Variants in DTNA observed in about 807,000 individuals in gnomAD.
DTNA encodes the protein dystrophin-related protein 3.
In DTNA, 43 loss-of-function variants were observed where a neutral mutation model predicts 100.7. That is an observed-to-expected ratio of 0.43 (90% CI 0.33 to 0.55). DTNA has a LOEUF of 0.55. Among genes scored for constraint, DTNA ranks in the 20% least tolerant of loss-of-function variants. The probability of loss-of-function intolerance (pLI) is 0.04; values close to 1 mark genes in which losing one functional copy is unlikely to be tolerated. For missense variants in DTNA, 798 were observed against 953.9 expected, an observed-to-expected ratio of 0.84 and a Z score of 2.15; for synonymous variants, 349 against 347.9, an observed-to-expected ratio of 1.00 and a Z score of -0.04.
rs1277630253 is a variant in DTNA at position 34,636,226 on chromosome 18, G to A, written c.-1-119750G>A. Among the ~76,000 whole-genome samples, 5 of 152,246 alleles carry A rather than the reference G, an allele frequency of 3.3e-5. No homozygotes were observed. The East Asian group carries it at 9.7e-4, about 29-fold the overall frequency. On this transcript the variant is annotated intron_variant, in intron 1 of 19. Transcript: ENST00000283365. The stretch of plus-strand genomic sequence containing the variant: ...AGCGGCATGATCTCAGCTCACTGCA[G>A]CCTCCACCTGCGGGGTTCAAGCAAT...
chr18:34,745,499 C>T (rs908868461), intron 1 of DTNA, among the ~76,000 whole-genome samples: 7 of 152,120 alleles, frequency 4.6e-5, no homozygotes, highest in Admixed American at 1.3e-4. Context: ...AAGAGTCATG[C>T]CAATAATGTC....
At chr18:34,494,661 G>T (rs1480199253) in intron 1 of DTNA, among the ~76,000 whole-genome samples, 1 of 152,046 alleles carries the variant, frequency 6.6e-6, no homozygotes, top group African/African-American at 2.4e-5. Flanking sequence ...GCCGTGAGGG[G>T]CGCAGGGGGA....
At chr18:34,509,912 A>G (rs1192612668) in intron 1 of DTNA, among the ~76,000 whole-genome samples, 1 of 152,104 alleles carries the variant, frequency 6.6e-6, no homozygotes, top group East Asian at 1.9e-4. Flanking sequence ...TGTATAGACA[A>G]GGAGGAAAAA....
At chr18:34,868,662 T>C in intron 17 of DTNA, 3 of 985,436 alleles carry the variant, frequency 3.0e-6, no homozygotes, top group African/African-American at 1.7e-5. Flanking sequence ...TACTGGCATA[T>C]ATAATTTCTA....
At chr18:34,799,563 G>A (rs1210035607) in intron 4 of DTNA, among the ~76,000 whole-genome samples, 1 of 152,282 alleles carries the variant, frequency 6.6e-6, no homozygotes, top group African/African-American at 2.4e-5. Context: ...GCCAAGACTA[G>A]ATATTTAAAA....
At chr18:34,615,724 C>T (rs2055139390) in intron 1 of DTNA, among the ~76,000 whole-genome samples, 1 of 152,142 alleles carries the variant, frequency 6.6e-6, no homozygotes, top group Non-Finnish European at 1.5e-5. Flanking sequence ...GGCAACTTTA[C>T]AGACCTCACA....
At chr18:34,540,792 A>C (rs1476764616) in intron 1 of DTNA, among the ~76,000 whole-genome samples, 1 of 152,126 alleles carries the variant, frequency 6.6e-6, no homozygotes, top group Non-Finnish European at 1.5e-5. Flanking sequence ...ACTGTGCCCT[A>C]TAAAAACTGC....
intron 1 of DTNA, among the ~76,000 whole-genome samples, chr18:34,584,385 A>G (rs1370666782): frequency 6.6e-6 from 1 of 152,194 alleles, no homozygotes; most frequent in Non-Finnish European, 1.5e-5. Context: ...AAAAGCTGAA[A>G]TGTGTATTAT....
intron 9 of DTNA, chr18:34,821,599 G>T (rs1296539370): frequency 7.0e-6 from 3 of 426,888 alleles, no homozygotes; most frequent in East Asian, 1.4e-4. Context: ...TAACAAGGGG[G>T]CTTAGGTAGA....
chr18:34,650,238 T>A (rs1466472358), intron 1 of DTNA, among the ~76,000 whole-genome samples: 1 of 152,102 alleles, frequency 6.6e-6, no homozygotes, highest in African/African-American at 2.4e-5. Flanking sequence ...AGACAAAACG[T>A]TGACCTTCCA....
intron 1 of DTNA, among the ~76,000 whole-genome samples, chr18:34,753,593 G>T (rs1369059978): frequency 7.1e-6 from 1 of 141,320 alleles, no homozygotes; most frequent in Admixed American, 6.7e-5. Flanking sequence ...CGTTTTAGCT[G>T]GGATGGTCTC....
intron 16 of DTNA, 48 bp downstream of exon 16, chr18:34,858,446 T>C: frequency 2.5e-6 from 4 of 1,591,988 alleles, no homozygotes; most frequent in Non-Finnish European, 3.4e-6. Context: ...ATGTGTCAGA[T>C]CTTTGAGAAA....
intron 1 of DTNA, among the ~76,000 whole-genome samples, chr18:34,667,594 TC>T: frequency 6.6e-6 from 1 of 152,326 alleles, no homozygotes; most frequent in East Asian, 1.9e-4. Flanking sequence ...TTTAGATATG[TC>T]CCATCAATAC....
At chr18:34,842,566 C>T (rs2096288595) in intron 13 of DTNA, among the ~76,000 whole-genome samples, 1 of 152,032 alleles carries the variant, frequency 6.6e-6, no homozygotes, top group African/African-American at 2.4e-5. Context: ...ATGGGGTTCT[C>T]CCATTCAATC....
At chr18:34,829,544 G>A (rs2095949847) in intron 11 of DTNA, 55 bp downstream of exon 11, 1 of 1,424,978 alleles carries the variant, frequency 7.0e-7, no homozygotes, top group Non-Finnish European at 9.2e-7. Flanking sequence ...TAGCTAGACT[G>A]ATAAGTCATT....
chr18:34,793,573 A>G (rs1247893043), intron 3 of DTNA, among the ~76,000 whole-genome samples: 1 of 152,206 alleles, frequency 6.6e-6, no homozygotes, highest in African/African-American at 2.4e-5. Context: ...ATACTCAAAT[A>G]TAATTTGGAC....
intron 1 of DTNA, among the ~76,000 whole-genome samples, chr18:34,694,693 G>T (rs1291966545): frequency 6.6e-6 from 1 of 151,632 alleles, no homozygotes; most frequent in African/African-American, 2.4e-5. Context: ...TTTTTTTTAT[G>T]AACGGGTTTT....
intron 1 of DTNA, among the ~76,000 whole-genome samples, chr18:34,529,130 C>T (rs1194149331): frequency 1.3e-5 from 2 of 152,084 alleles, no homozygotes; most frequent in Middle Eastern, 6.3e-3. Flanking sequence ...ATATAAGAGA[C>T]ATTAAATCCA....
intron 1 of DTNA, among the ~76,000 whole-genome samples, chr18:34,583,079 GT>G (rs1199756288): frequency 6.6e-6 from 1 of 152,176 alleles, no homozygotes; most frequent in Non-Finnish European, 1.5e-5. Flanking sequence ...AAGAGAGATA[GT>G]TTTGCCTAGG....
Sources: allele counts gnomAD v4.1 joint callset (sites outside exome capture counted in the v4.1 genomes callset), GRCh38; gene constraint gnomAD v4.1.1; transcripts MANE v1.5; gene names NCBI Gene and HGNC (gene_info 2026-07-23, HGNC 2026-07-21).